PTPRU: variants seen among roughly 807,000 people sequenced by gnomAD.
PTPRU encodes receptor-type tyrosine-protein phosphatase U.
Under a neutral mutation model 166.3 loss-of-function variants are expected in PTPRU, and 69 were observed. That is an observed-to-expected ratio of 0.41 (90% CI 0.34 to 0.51). The LOEUF (loss-of-function observed/expected upper bound fraction) is 0.51. Among genes scored for constraint, PTPRU ranks in the 20% least tolerant of loss-of-function variants. The pLI, the probability that PTPRU is intolerant of heterozygous loss-of-function variation, is 0.09. For synonymous variants in PTPRU, 793 were observed against 814.0 expected (o/e 0.97, Z 0.44); for missense variants, 1,657 against 2,013.7 (o/e 0.82, Z 3.39).
rs118029109 is a variant in PTPRU, at chr1:29,292,201, T to A, written c.2476+175T>A. ...GCCAGCACAGGTGGCGTTTTTGCAT[T>A]GTGTACTAGAGGAGCTTGCAAGGAA... On this transcript the variant is annotated intron_variant, in intron 15 of 29. Transcript: ENST00000373779. Among the ~76,000 whole-genome samples the A allele has an allele frequency of 2.3e-3, 356 of 152,302 alleles. 12 individuals carry two copies. The East Asian group carries it at 0.059, about 25-fold the overall frequency.
At position 29,311,314 on chromosome 1, in the gene PTPRU, TG is replaced by T; in HGVS notation, c.2858-139del. ...CTACAGGCATGCGTCAGCTGCAAGC[TG>T]GGTGTTGTGGGCAGCATGAAGCCCC... On this transcript the variant is annotated intron_variant, in intron 19 of 29. Transcript: ENST00000373779. This position sits in a 1 kb window ranked among gnomAD's most constrained non-coding sequence, Gnocchi z 4.1. The T allele has an allele frequency of 1.4e-6, 1 of 724,942 alleles. No homozygotes were observed. The highest frequency in any genetic ancestry group is 1.8e-5 in the South Asian group (1 of 55,868). The allele number at this position is 724,942 out of a possible 1,614,324, so 44.9% of individuals were successfully genotyped here.
chr1:29,314,932 A>G (rs1383195510), intron 22 of PTPRU, among the ~76,000 whole-genome samples: 1 of 152,212 alleles, frequency 6.6e-6, no homozygotes, highest in Admixed American at 6.5e-5. Context: ...ACTCAAAAGA[A>G]TGACATCATC....
Position 29,259,993 on chromosome 1 carries a change from C to A in PTPRU, c.799C>A (p.Gln267Lys). The part of the protein sequence containing the change: ...AEQDLYRCVS[Q>K]APRGAGVSNF... ...GCAGGACCTGTACCGCTGTGTGTCC[C>A]AGGCCCCGCGCGGCGCGGGCGTCTC... The change falls in exon 6 of 30, where the codon CAG becomes AAG. Residue 267 changes from glutamine (Q) to lysine (K), a missense_variant. Physicochemically the swap from Gln to Lys is moderately conservative, Grantham distance 53 (BLOSUM62 1). Transcript: ENST00000373779. 1 of 1,514,746 alleles carries A rather than the reference C, an allele frequency of 6.6e-7. No individual in the cohort carries two copies. Among genetic ancestry groups the A allele is most frequent in the East Asian group, 2.6e-5 (1 of 38,918 alleles). The allele number at this position is 1,514,746 out of a possible 1,614,324, so 93.8% of individuals were successfully genotyped here.
At chr1:29,313,103 C>T (rs1330872240) in intron 22 of PTPRU, among the ~76,000 whole-genome samples, 15 of 152,204 alleles carry the variant, frequency 9.9e-5, no homozygotes, top group Admixed American at 9.8e-4. Flanking sequence ...ACCCAGTGGG[C>T]CTTGCCTACC....
In PTPRU at chr1:29,258,873, G is replaced by A. The variant is rs1558554803; in HGVS notation, c.477+97G>A. 7 of 1,480,206 alleles carry A rather than the reference G, an allele frequency of 4.7e-6. No homozygotes were observed. In the Admixed American group the frequency reaches 7.1e-5, roughly 15 times the overall value. The allele number at this position is 1,480,206 out of a possible 1,614,324, so 91.7% of individuals were successfully genotyped here. On this transcript the variant is annotated intron_variant, in intron 3 of 29. Transcript: ENST00000373779. ...GTAGATGAGTGGCTGAAGTTAGAAT[G>A]TGTCTGCATTCAGTATCAGAGGCAA...
chr1:29,320,357 C>T lies in PTPRU; in HGVS notation c.3688-328C>T, dbSNP rs1007288022. On this transcript the variant is annotated intron_variant, in intron 25 of 29. Coordinates refer to ENST00000373779, the MANE Select transcript of PTPRU (RefSeq NM_133178.4). The surrounding 1 kb of genome is among the most constrained non-coding windows in gnomAD (Gnocchi z 5.2). ...CCTAGGCAGCCAAAATAGCAGATGCCGAAGCGCGGAGGCAGGGAGTAAGCT... is the reference window on the plus strand; with the variant it reads ...CCTAGGCAGCCAAAATAGCAGATGCTGAAGCGCGGAGGCAGGGAGTAAGCT... 9 of 252,292 alleles carry T rather than the reference C, an allele frequency of 3.6e-5. No homozygotes were observed. Among genetic ancestry groups the T allele is most frequent in the African/African-American group, 1.1e-4 (5 of 45,092 alleles). 15.6% of individuals were successfully genotyped at this position (252,292 alleles called of 1,614,324 possible).
intron 1 of PTPRU, among the ~76,000 whole-genome samples, chr1:29,250,624 G>A (rs958928521): frequency 1.3e-5 from 2 of 152,252 alleles, no homozygotes; most frequent in African/African-American, 2.4e-5. Flanking sequence ...AGGTATTGAT[G>A]TGTATATGTG....
At position 29,320,740 on chromosome 1, in the gene PTPRU, C is replaced by A. The variant is rs368921599; in HGVS notation, c.3743C>A (p.Thr1248Lys). 2 of 1,608,906 alleles carry A rather than the reference C, an allele frequency of 1.2e-6. No individual in the cohort carries two copies. Among genetic ancestry groups the A allele is most frequent in the African/African-American group, 1.3e-5 (1 of 74,866 alleles). Reference sequence around the variant, plus strand: ...ACCCTGCACCCGCTGCAGAGCACCACGCCCGACTTCTGGCGGCTGGTCTAC... The same window carrying A: ...ACCCTGCACCCGCTGCAGAGCACCAAGCCCGACTTCTGGCGGCTGGTCTAC... Reference protein sequence around the residue: ...IVTLHPLQSTTPDFWRLVYDY... With the variant: ...IVTLHPLQSTKPDFWRLVYDY... Residue 1248 changes from threonine to lysine, a missense_variant, in exon 26 of 30, where the codon ACG (threonine) becomes AAG (lysine). By Grantham distance (78) the Thr-to-Lys change is moderately conservative (BLOSUM62 -1). This residue lies in a region of PTPRU where 1,190 missense variants were observed against 1,477.4 expected (regional missense o/e 0.81). Coordinates refer to ENST00000373779, the MANE Select transcript of PTPRU (RefSeq NM_133178.4). This position sits in a 1 kb window ranked among gnomAD's most constrained non-coding sequence, Gnocchi z 5.2.
At chr1:29,323,317 G>T in intron 26 of PTPRU, 54 bp from the exon 27 acceptor site, 2 of 1,578,364 alleles carry the variant, frequency 1.3e-6, no homozygotes, top group Non-Finnish European at 1.7e-6. Flanking sequence ...ATGGCTGTGG[G>T]GTGAGCCCCG....
intron 24 of PTPRU, among the ~76,000 whole-genome samples, chr1:29,316,800 G>A (rs965453958): frequency 3.9e-5 from 6 of 152,150 alleles, no homozygotes; most frequent in Admixed American, 3.9e-4. Context: ...TCCCATCCCT[G>A]GACCAGTCAC....
Position 29,236,747 on chromosome 1 carries a change from C to T in PTPRU, c.73+30C>T. ...GCGCGCGGCGGCCGGACCGAGCCTG[C>T]CCCGCCGAGCCTCGGGGCCCGTGGC... On this transcript the variant is annotated intron_variant, in intron 1 of 29. Coordinates refer to ENST00000373779, the MANE Select transcript of PTPRU (RefSeq NM_133178.4). This position sits in a 1 kb window ranked among gnomAD's most constrained non-coding sequence, Gnocchi z 4.6. 2 of 1,393,074 alleles carry T rather than the reference C, an allele frequency of 1.4e-6. No homozygotes were observed. The highest frequency in any genetic ancestry group is 1.6e-5 in the South Asian group (1 of 63,758). The allele number at this position is 1,393,074 out of a possible 1,614,324, so 86.3% of individuals were successfully genotyped here. A position where few individuals can be genotyped will look rare whatever the true frequency, so the allele number is the denominator to read the frequency against.
intron 22 of PTPRU, among the ~76,000 whole-genome samples, chr1:29,314,855 A>G (rs1687825783): frequency 1.3e-5 from 2 of 152,180 alleles, no homozygotes; most frequent in Admixed American, 1.3e-4. Context: ...CTGGGATTAC[A>G]GGCCTGAGCC....
chr1:29,269,794 G>C (rs1165493272), intron 7 of PTPRU, among the ~76,000 whole-genome samples: 1 of 152,070 alleles, frequency 6.6e-6, no homozygotes, highest in Non-Finnish European at 1.5e-5. Flanking sequence ...TAATTTTTCT[G>C]ACTTCTTCAC....
intron 13 of PTPRU, 64 bp from the exon 14 acceptor site, chr1:29,284,667 T>C: frequency 6.2e-7 from 1 of 1,611,716 alleles, no homozygotes; most frequent in Admixed American, 1.7e-5. Context: ...CACAGCCACC[T>C]ACAGGAGGGG....
At chr1:29,284,627 C>T (rs890088101) in intron 13 of PTPRU, 104 bp from the exon 14 acceptor site, 10 of 1,493,940 alleles carry the variant, frequency 6.7e-6, no homozygotes, top group African/African-American at 1.4e-5. Context: ...GGATGTAGGG[C>T]GGTTTGTGCA....
intron 26 of PTPRU, among the ~76,000 whole-genome samples, chr1:29,321,475 C>T (rs567409006): frequency 6.6e-6 from 1 of 152,302 alleles, no homozygotes; most frequent in East Asian, 1.9e-4. Context: ...GTGCCTTCTC[C>T]AGGGCCACAT....
intron 15 of PTPRU, among the ~76,000 whole-genome samples, chr1:29,292,725 A>G (rs1686696270): frequency 6.6e-6 from 1 of 152,072 alleles, no homozygotes; most frequent in African/African-American, 2.4e-5. Flanking sequence ...AATGAACCTC[A>G]TTGGTGAATT....
chr1:29,264,478 TGTG>T (rs1189490273), intron 7 of PTPRU, among the ~76,000 whole-genome samples: 3 of 152,022 alleles, frequency 2.0e-5, no homozygotes, highest in Admixed American at 2.0e-4. Flanking sequence ...ATTTTTCAAA[TGTG>T]GTGTGAGGTA....
intron 1 of PTPRU, among the ~76,000 whole-genome samples, chr1:29,245,733 C>T (rs1238328414): frequency 6.6e-6 from 1 of 152,198 alleles, no homozygotes; most frequent in East Asian, 1.9e-4. Flanking sequence ...TGTCACTCTG[C>T]TGGATGTCAG....
Sources: allele counts gnomAD v4.1 joint callset (sites outside exome capture counted in the v4.1 genomes callset), GRCh38; gene constraint gnomAD v4.1.1; regional missense constraint gnomAD v4.1.1; non-coding constraint Gnocchi (gnomAD v3.1); transcripts MANE v1.5; gene names NCBI Gene and HGNC (gene_info 2026-07-23, HGNC 2026-07-21).